PXK: variants seen among roughly 807,000 people sequenced by gnomAD.
PXK encodes PX domain containing serine/threonine kinase like.
In PXK, 35 loss-of-function variants were observed where a neutral mutation model predicts 84.7. The observed-to-expected ratio is 0.41, with a 90% CI of 0.32 to 0.55. The LOEUF (loss-of-function observed/expected upper bound fraction) is 0.55, where lower values mean the gene tolerates loss of function less well. Ranked by LOEUF, PXK falls within the 20% of genes least tolerant of loss-of-function variation. The probability of loss-of-function intolerance (pLI) is 0.21; values close to 1 mark genes in which losing one functional copy is unlikely to be tolerated. For missense variants in PXK, 634 were observed against 699.7 expected (o/e 0.91, Z 1.06); for synonymous variants, 253 against 260.8 (o/e 0.97, Z 0.29).
chr3:58,404,557 C>A (rs536570106), intron 13 of PXK, among the ~76,000 whole-genome samples: 1 of 152,272 alleles, frequency 6.6e-6, no homozygotes, highest in East Asian at 1.9e-4. Flanking sequence ...AGCTACTGAC[C>A]TATGGGCAAG....
rs762848827 is a variant in PXK, at chr3:58,409,519, T to C, written c.1309-13T>C. 3.7e-5 allele frequency: 60 copies of C among 1,609,666 alleles called. No homozygotes were observed. In the African/African-American group the frequency reaches 4.9e-4, roughly 13 times the overall value. ...TTATGTGGGATATGCTTACATCTTA[T>C]GGTCTTTTAAAGATTCACCAGCATC... On this transcript the variant is annotated splice_polypyrimidine_tract_variant and intron_variant, in intron 14 of 17. Coordinates refer to ENST00000356151, the MANE Select transcript of PXK (RefSeq NM_017771.5). This position sits in a 1 kb window ranked among gnomAD's most constrained non-coding sequence, Gnocchi z 4.2.
At chr3:58,339,374 C>T (rs568522039) in intron 1 of PXK, among the ~76,000 whole-genome samples, 29 of 151,730 alleles carry the variant, frequency 1.9e-4, no homozygotes, top group African/African-American at 5.1e-4. Flanking sequence ...GTATTACAGG[C>T]GCCACGTACC....
chr3:58,395,014 G>C lies in PXK; in HGVS notation c.632G>C (p.Arg211Pro). 1 of 1,612,560 alleles carries C rather than the reference G, an allele frequency of 6.2e-7. No homozygotes were observed. Among genetic ancestry groups the C allele is most frequent in the Non-Finnish European group, 8.5e-7 (1 of 1,178,810 alleles). ...TTTTGACAGCACCCTTACATCTATC[G>C]GGTTACCTTTGCCACAGCTAATGAA... is the stretch of plus-strand genomic sequence containing the variant. ...LPSCLHPYIY[R>P]VTFATANESS... The change falls in exon 8 of 18, where the codon CGG (arginine) becomes CCG (proline). Residue 211 changes from arginine to proline, a missense_variant. Physicochemically the swap from Arg to Pro is moderately radical, Grantham distance 103. Transcript: ENST00000356151.
intron 1 of PXK, among the ~76,000 whole-genome samples, chr3:58,360,471 C>T (rs572315509): frequency 1.3e-5 from 2 of 152,170 alleles, no homozygotes; most frequent in Admixed American, 1.3e-4. Flanking sequence ...TGAGTAGTGA[C>T]CGTGAGTAAT....
intron 1 of PXK, among the ~76,000 whole-genome samples, chr3:58,335,059 G>GT (rs1559824418): frequency 7.4e-5 from 10 of 134,602 alleles, no homozygotes; most frequent in Non-Finnish European, 1.1e-4. Context: ...GTGTGTGTGT[G>GT]GAGACAGCGT....
rs898538187 is a variant in PXK at position 58,397,144 on chromosome 3, T to A, written c.928T>A (p.Leu310Ile). 6.2e-7 allele frequency: 1 copy of A among 1,614,198 alleles called. No homozygotes were observed. Among genetic ancestry groups the A allele is most frequent in the South Asian group, 1.1e-5 (1 of 91,090 alleles). ...TCRLLDLENS[L>I]LGLPSFYRSY... is the part of the protein sequence containing the mutation. ...CCGGCTGCTGGACCTTGAGAATTCC[T>A]TATTGGGCCTGCCTTCCTTCTACCG... The change falls in exon 10 of 18, where the codon TTA (leucine) becomes ATA (isoleucine). Residue 310 changes from leucine (L) to isoleucine (I), a missense_variant. Transcript: ENST00000356151. This position sits in a 1 kb window ranked among gnomAD's most constrained non-coding sequence, Gnocchi z 4.7.
At chr3:58,352,132 T>TG (rs1270093103) in intron 1 of PXK, among the ~76,000 whole-genome samples, 4 of 152,176 alleles carry the variant, frequency 2.6e-5, no homozygotes, top group African/African-American at 9.7e-5. Flanking sequence ...GCTGGGGACT[T>TG]GTGGCTGTGC....
rs77890704 is a variant in PXK, at chr3:58,364,996, A to G, written c.103-878A>G. Among the ~76,000 whole-genome samples, 2,137 of 150,544 alleles carry G rather than the reference A, an allele frequency of 0.014. 61 individuals carry two copies. Among genetic ancestry groups the G allele is most frequent in the African/African-American group, 0.049 (2,008 of 40,936 alleles). On this transcript the variant is annotated intron_variant, in intron 1 of 17. Transcript: ENST00000356151. This position sits in a 1 kb window ranked among gnomAD's most constrained non-coding sequence, Gnocchi z 4.3. ...GCTTTTTATTTCTTGACTTTTCTCT[A>G]TTTCTTTGTTTTCAATTTTATTGAT...
chr3:58,412,094 G>A lies in PXK; in HGVS notation c.1466-807G>A, dbSNP rs2060287490. ...GTGTGTGTGCCCATCAGCCCAGAAAGCACCTGACTAGGGAGATTTGGTTAA... is the reference window on the plus strand; with the variant it reads ...GTGTGTGTGCCCATCAGCCCAGAAAACACCTGACTAGGGAGATTTGGTTAA... On this transcript the variant is annotated intron_variant, in intron 16 of 17. Transcript: ENST00000356151. The surrounding 1 kb of genome is among the most constrained non-coding windows in gnomAD (Gnocchi z 6.2). Among the ~76,000 whole-genome samples the A allele has an allele frequency of 6.6e-6, 1 of 152,200 alleles. No homozygotes were observed. Among genetic ancestry groups the A allele is most frequent in the Non-Finnish European group, 1.5e-5 (1 of 68,008 alleles).
chr3:58,386,754 G>A (rs1182564995), intron 4 of PXK, among the ~76,000 whole-genome samples: 1 of 152,108 alleles, frequency 6.6e-6, no homozygotes, highest in Non-Finnish European at 1.5e-5. Context: ...CTGTATCATG[G>A]TCCCAGCTTT....
At position 58,421,573 on chromosome 3, in the gene PXK, C is replaced by A. The variant is rs909187565; in HGVS notation, c.1529-3179C>A. ...CCAGCCTGGGCAACAGAGCGAGACTCCATCTCAGAAAAAAAGGAACTGGAG... is the reference window on the plus strand; with the variant it reads ...CCAGCCTGGGCAACAGAGCGAGACTACATCTCAGAAAAAAAGGAACTGGAG... On this transcript the variant is annotated intron_variant, in intron 17 of 17. Coordinates refer to ENST00000356151, the MANE Select transcript of PXK (RefSeq NM_017771.5). This position sits in a 1 kb window ranked among gnomAD's most constrained non-coding sequence, Gnocchi z 5.5. The A allele has an allele frequency of 3.7e-5, 36 of 985,032 alleles. No homozygotes were observed. The highest frequency in any genetic ancestry group is 4.4e-5 in the Non-Finnish European group (36 of 827,544). 61.0% of individuals were successfully genotyped at this position (985,032 alleles called of 1,614,324 possible).
Position 58,333,182 on chromosome 3 carries a change from C to T in PXK, c.102+92C>T. The stretch of plus-strand genomic sequence containing the variant: ...CCTGGCGCGGGCCGGGCAGGGTCGT[C>T]GGACGGAGACCGGGCCACAGGGTGG... On this transcript the variant is annotated intron_variant, in intron 1 of 17. Coordinates refer to ENST00000356151, the MANE Select transcript of PXK (RefSeq NM_017771.5). This position sits in a 1 kb window ranked among gnomAD's most constrained non-coding sequence, Gnocchi z 5.4. 1 of 756,802 alleles carries T rather than the reference C, an allele frequency of 1.3e-6. No individual in the cohort carries two copies. Among genetic ancestry groups the T allele is most frequent in the Non-Finnish European group, 1.6e-6 (1 of 616,248 alleles). The allele number at this position is 756,802 out of a possible 1,614,324, so 46.9% of individuals were successfully genotyped here.
chr3:58,342,162 TG>T (rs2097746680), intron 1 of PXK, among the ~76,000 whole-genome samples: 1 of 152,170 alleles, frequency 6.6e-6, no homozygotes, highest in African/African-American at 2.4e-5. Context: ...TTATCGGAAT[TG>T]TTTCAGAAAG....
Position 58,390,628 on chromosome 3 carries a change from G to A in PXK, c.435G>A (p.Lys145=), listed in dbSNP as rs755918934. 1 of 1,613,096 alleles carries A rather than the reference G, an allele frequency of 6.2e-7. No individual in the cohort carries two copies. The highest frequency in any genetic ancestry group is 1.1e-5 in the South Asian group (1 of 90,960). The stretch of plus-strand genomic sequence containing the variant: ...CCATGTTCTTCCGATCAGAACCAAA[G>A]TGGGAGGTGGTGGAACCTTTGAAAG... ...QVSMFFRSEP[K]WEVVEPLKDI... is the part of the protein sequence containing the mutation. Residue 145 remains lysine (K), a synonymous_variant, in exon 5 of 18, where the codon AAG becomes AAA. Coordinates refer to ENST00000356151, the MANE Select transcript of PXK (RefSeq NM_017771.5). The surrounding 1 kb of genome is among the most constrained non-coding windows in gnomAD (Gnocchi z 4.2).
chr3:58,425,135 TAA>T lies in PXK; in HGVS notation c.*177_*178del, dbSNP rs1464324446. 2 of 1,021,188 alleles carry T rather than the reference TAA, an allele frequency of 2.0e-6. No individual in the cohort carries two copies. The highest frequency in any genetic ancestry group is 2.8e-6 in the Non-Finnish European group (2 of 715,014). 63.3% of individuals were successfully genotyped at this position (1,021,188 alleles called of 1,614,324 possible). On this transcript the variant is annotated 3_prime_UTR_variant, in exon 18 of 18. Transcript: ENST00000356151. ...GAGAGAAATAATTCTTTAAGCAGAA[TAA>T]AGTTAGGCTGGCATTGCTCCCTTAA...
intron 1 of PXK, among the ~76,000 whole-genome samples, chr3:58,356,323 C>T (rs954859726): frequency 5.3e-5 from 8 of 152,146 alleles, no homozygotes; most frequent in Non-Finnish European, 1.0e-4. Flanking sequence ...GGCTGAAATC[C>T]GTCTGACTCA....
At chr3:58,410,585 C>T (rs780033334) in intron 16 of PXK, among the ~76,000 whole-genome samples, 6 of 152,156 alleles carry the variant, frequency 3.9e-5, no homozygotes, top group Non-Finnish European at 8.8e-5. Context: ...GGAAAGGACT[C>T]GATGGTGTGT....
intron 4 of PXK, among the ~76,000 whole-genome samples, chr3:58,386,352 G>A (rs1430610009): frequency 1.6e-5 from 2 of 124,702 alleles, no homozygotes; most frequent in African/African-American, 5.8e-5. Context: ...CTGGAGTGCT[G>A]TAGCGTGGTC....
intron 3 of PXK, among the ~76,000 whole-genome samples, chr3:58,371,803 G>A (rs977892823): frequency 6.6e-6 from 1 of 152,182 alleles, no homozygotes; most frequent in African/African-American, 2.4e-5. Flanking sequence ...GTTGGCTTAT[G>A]TTGGGCAGAA....
Sources: gnomAD v4.1 joint callset for allele counts (sites outside exome capture counted in the v4.1 genomes callset) on GRCh38, gnomAD v4.1.1 for gene constraint, Gnocchi (gnomAD v3.1) non-coding constraint, MANE v1.5 for transcripts, NCBI Gene and HGNC (gene_info 2026-07-23, HGNC 2026-07-21) for gene names.